The following ULK4 variants were observed in gnomAD, a reference collection of about 807,000 sequenced individuals.
ULK4 encodes the protein unc-51 like kinase 4, also known as inactive serine/threonine-protein kinase ULK4.
In ULK4, 133 loss-of-function variants were observed where a neutral mutation model predicts 160.6. That is an observed-to-expected ratio of 0.83 (90% CI 0.72 to 0.96). The LOEUF (loss-of-function observed/expected upper bound fraction) is 0.96. Among genes scored for constraint, ULK4 ranks in the 40% least tolerant of loss-of-function variants. The probability of loss-of-function intolerance (pLI) is 0.00; values close to 1 mark genes in which losing one functional copy is unlikely to be tolerated. For synonymous variants in ULK4, 534 were observed against 539.8 expected, an observed-to-expected ratio of 0.99 and a Z score of 0.15; for missense variants, 1,580 against 1,499.5, an observed-to-expected ratio of 1.05 and a Z score of -0.89.
At chr3:41,422,908 C>A (rs1184765642) in intron 34 of ULK4, among the ~76,000 whole-genome samples, 1 of 152,070 alleles carries the variant, frequency 6.6e-6, no homozygotes, top group Non-Finnish European at 1.5e-5. Context: ...TGGAAAATAA[C>A]TGGAAACAAT....
At chr3:41,821,714 C>G (rs533648663) in intron 18 of ULK4, among the ~76,000 whole-genome samples, 43 of 152,280 alleles carry the variant, frequency 2.8e-4, no homozygotes, top group African/African-American at 1.0e-3. Context: ...AGACCCTCCT[C>G]ATCCCTTGGC....
intron 35 of ULK4, among the ~76,000 whole-genome samples, chr3:41,276,307 C>A (rs2079227488): frequency 6.6e-6 from 1 of 152,176 alleles, no homozygotes; most frequent in African/African-American, 2.4e-5. Context: ...TTCTAGTTAC[C>A]TTTCCGGACC....
intron 22 of ULK4, among the ~76,000 whole-genome samples, chr3:41,748,788 A>C (rs1193316531): frequency 6.6e-6 from 1 of 152,212 alleles, no homozygotes; most frequent in East Asian, 1.9e-4. Flanking sequence ...TTAGACAAAA[A>C]GGTATTAATA....
intron 35 of ULK4, among the ~76,000 whole-genome samples, chr3:41,319,510 T>C (rs934358811): frequency 1.3e-5 from 2 of 152,178 alleles, no homozygotes; most frequent in African/African-American, 2.4e-5. Flanking sequence ...AAAATCTAGG[T>C]TTTATTAAAT....
intron 32 of ULK4, among the ~76,000 whole-genome samples, chr3:41,536,984 C>A (rs1559376580): frequency 6.6e-6 from 1 of 152,162 alleles, no homozygotes; most frequent in East Asian, 1.9e-4. Context: ...CAAAAGCAGT[C>A]TTGAGTAACT....
intron 31 of ULK4, among the ~76,000 whole-genome samples, chr3:41,584,737 AAAGAT>A (rs2030665253): frequency 6.6e-6 from 1 of 152,330 alleles, no homozygotes; most frequent in Non-Finnish European, 1.5e-5. Flanking sequence ...AAAAATTAGT[AAAGAT>A]AAGATTTGAA....
intron 22 of ULK4, among the ~76,000 whole-genome samples, chr3:41,728,097 G>C (rs1215957912): frequency 1.3e-5 from 2 of 152,202 alleles, no homozygotes; most frequent in South Asian, 2.1e-4. Context: ...AGCACATGGA[G>C]AGTTGGTATG....
intron 17 of ULK4, chr3:41,859,656 T>A (rs1353770166): frequency 7.1e-6 from 2 of 282,606 alleles, no homozygotes; most frequent in African/African-American, 6.6e-5. Context: ...CCTTCTTTTT[T>A]GTTTGTTTTG....
intron 21 of ULK4, among the ~76,000 whole-genome samples, chr3:41,769,349 GAGA>G (rs2039275326): frequency 6.6e-6 from 1 of 152,216 alleles, no homozygotes; most frequent in South Asian, 2.1e-4. Flanking sequence ...CACTTGAGGA[GAGA>G]AGATTACAGG....
At chr3:41,636,789 AT>A (rs1659672417) in intron 30 of ULK4, among the ~76,000 whole-genome samples, 1 of 144,042 alleles carries the variant, frequency 6.9e-6, no homozygotes, top group African/African-American at 2.6e-5. Context: ...CCAGAGTGTG[AT>A]TGTTTTAAAT....
chr3:41,839,274 A>T (rs79817383), intron 17 of ULK4, among the ~76,000 whole-genome samples: 18,754 of 151,876 alleles, frequency 0.12, 1,336 homozygotes, highest in Middle Eastern at 0.27. Flanking sequence ...TGGGAGGTGG[A>T]GGTTAGAGTG....
intron 35 of ULK4, among the ~76,000 whole-genome samples, chr3:41,394,953 G>C (rs1447084171): frequency 6.6e-6 from 1 of 152,068 alleles, no homozygotes; most frequent in Non-Finnish European, 1.5e-5. Flanking sequence ...ACCTTCACAG[G>C]TACCCTCCAG....
chr3:41,486,153 T>C (rs2084522431), intron 32 of ULK4, among the ~76,000 whole-genome samples: 1 of 152,132 alleles, frequency 6.6e-6, no homozygotes, highest in Non-Finnish European at 1.5e-5. Flanking sequence ...TCAGTCTTCC[T>C]ATTATACCAT....
At chr3:41,643,604 A>G (rs2034339660) in intron 30 of ULK4, among the ~76,000 whole-genome samples, 1 of 152,074 alleles carries the variant, frequency 6.6e-6, no homozygotes. Flanking sequence ...GCCTTGTAGT[A>G]TAGTTTGAAG....
chr3:41,326,015 T>C (rs183111975), intron 35 of ULK4, among the ~76,000 whole-genome samples: 10 of 152,338 alleles, frequency 6.6e-5, no homozygotes, highest in African/African-American at 1.7e-4. Context: ...ATGAATTATA[T>C]GTATGATAAA....
At chr3:41,696,730 T>C (rs2036516921) in intron 27 of ULK4, among the ~76,000 whole-genome samples, 1 of 138,498 alleles carries the variant, frequency 7.2e-6, no homozygotes. Flanking sequence ...AAAGGGAATT[T>C]GCAGATGAGG....
chr3:41,311,662 G>A (rs1042548007), intron 35 of ULK4, among the ~76,000 whole-genome samples: 6 of 152,130 alleles, frequency 3.9e-5, no homozygotes, highest in Admixed American at 6.5e-5. Context: ...TCTGCCTCCC[G>A]AGTTCAAGCG....
At chr3:41,295,247 CA>C (rs1423659896) in intron 35 of ULK4, among the ~76,000 whole-genome samples, 1 of 76,120 alleles carries the variant, frequency 1.3e-5, no homozygotes, top group Non-Finnish European at 3.3e-5. Flanking sequence ...TATCCACATG[CA>C]AAACATGAAT....
At chr3:41,949,069 G>A (rs1559670793) in intron 2 of ULK4, among the ~76,000 whole-genome samples, 1 of 152,136 alleles carries the variant, frequency 6.6e-6, no homozygotes, top group Admixed American at 6.6e-5. Flanking sequence ...CACTTTTGGA[G>A]GCCAAGGTGG....
Sources: allele counts gnomAD v4.1 joint callset (sites outside exome capture counted in the v4.1 genomes callset), GRCh38; gene constraint gnomAD v4.1.1; transcripts MANE v1.5; gene names NCBI Gene and HGNC (gene_info 2026-07-23, HGNC 2026-07-21).